The following CNTN5 variants were observed in gnomAD, a reference collection of about 807,000 sequenced individuals.
CNTN5 encodes contactin 5.
In CNTN5, 77 loss-of-function variants were observed where a neutral mutation model predicts 129.1. That is an observed-to-expected ratio of 0.60 (90% CI 0.50 to 0.72). The LOEUF is 0.72. CNTN5 is among the 30% of genes least tolerant of loss of function. CNTN5 has a pLI of 0.00. For synonymous variants in CNTN5, 509 were observed against 465.6 expected, an observed-to-expected ratio of 1.09 and a Z score of -1.20; for missense variants, 1,478 against 1,328.8, an observed-to-expected ratio of 1.11 and a Z score of -1.75.
chr11:99,173,664 GAGA>G (rs1393738968), intron 1 of CNTN5, among the ~76,000 whole-genome samples: 2 of 152,174 alleles, frequency 1.3e-5, no homozygotes, highest in Non-Finnish European at 2.9e-5. Context: ...TAGAAAAGGT[GAGA>G]AGAAGGATTG....
At chr11:99,427,460 T>C (rs1024568929) in intron 2 of CNTN5, among the ~76,000 whole-genome samples, 1 of 152,058 alleles carries the variant, frequency 6.6e-6, no homozygotes, top group South Asian at 2.1e-4. Flanking sequence ...AGTTAAGCTT[T>C]TGGATTAAAA....
At chr11:99,594,680 G>T (rs1950073326) in intron 3 of CNTN5, among the ~76,000 whole-genome samples, 1 of 152,164 alleles carries the variant, frequency 6.6e-6, no homozygotes, top group African/African-American at 2.4e-5. Context: ...CATCAGGTTT[G>T]CCCAGCACAA....
chr11:99,552,546 GA>G (rs1948527908), intron 2 of CNTN5, among the ~76,000 whole-genome samples: 1 of 152,070 alleles, frequency 6.6e-6, no homozygotes, highest in Admixed American at 6.6e-5. Flanking sequence ...GAGTAACCAA[GA>G]AAGGCTTCTA....
intron 3 of CNTN5, among the ~76,000 whole-genome samples, chr11:99,658,912 G>GA (rs1952492022): frequency 7.4e-6 from 1 of 135,598 alleles, no homozygotes; most frequent in African/African-American, 2.7e-5. Flanking sequence ...AAAAGAAAAA[G>GA]AAAAATATAA....
chr11:99,071,491 G>T (rs942394923), intron 1 of CNTN5, among the ~76,000 whole-genome samples: 1 of 152,028 alleles, frequency 6.6e-6, no homozygotes, highest in Non-Finnish European at 1.5e-5. Flanking sequence ...AATTTTGCAC[G>T]TAATATATGG....
At chr11:100,157,618 G>A (rs569132198) in intron 13 of CNTN5, among the ~76,000 whole-genome samples, 14 of 151,780 alleles carry the variant, frequency 9.2e-5, no homozygotes, top group East Asian at 3.9e-4. Flanking sequence ...ATGAAAGTGC[G>A]AAAGTTGAAA....
chr11:99,229,623 C>A (rs1860883876), intron 1 of CNTN5, among the ~76,000 whole-genome samples: 1 of 151,078 alleles, frequency 6.6e-6, no homozygotes, highest in African/African-American at 2.4e-5. Flanking sequence ...AATTGTTACT[C>A]AGAACACATA....
At chr11:99,446,125 A>G (rs1482622575) in intron 2 of CNTN5, among the ~76,000 whole-genome samples, 2 of 146,966 alleles carry the variant, frequency 1.4e-5, no homozygotes, top group Non-Finnish European at 1.5e-5. Flanking sequence ...TTGGATTTGT[A>G]GAATCCTCAT....
intron 15 of CNTN5, among the ~76,000 whole-genome samples, chr11:100,217,034 T>C (rs1949150647): frequency 6.6e-6 from 1 of 152,210 alleles, no homozygotes; most frequent in Non-Finnish European, 1.5e-5. Context: ...CTATGGGAAT[T>C]GGTTAGGCTA....
At chr11:99,332,497 A>G (rs1033251193) in intron 2 of CNTN5, among the ~76,000 whole-genome samples, 1 of 152,146 alleles carries the variant, frequency 6.6e-6, no homozygotes, top group African/African-American at 2.4e-5. Context: ...CATAAGTAAC[A>G]GTTGATATGG....
At chr11:99,848,203 CCTT>C (rs1947762353) in intron 6 of CNTN5, among the ~76,000 whole-genome samples, 1 of 152,132 alleles carries the variant, frequency 6.6e-6, no homozygotes. Context: ...AAGCGAGACT[CCTT>C]CTCAAAACAA....
intron 23 of CNTN5, among the ~76,000 whole-genome samples, chr11:100,347,623 A>G (rs970768187): frequency 5.3e-5 from 8 of 152,116 alleles, no homozygotes; most frequent in African/African-American, 1.7e-4. Context: ...AACATGCCCA[A>G]AAAGAAATCT....
chr11:99,119,246 A>G (rs1858189283), intron 1 of CNTN5, among the ~76,000 whole-genome samples: 1 of 152,276 alleles, frequency 6.6e-6, no homozygotes, highest in East Asian at 1.9e-4. Context: ...TCATCCAGGT[A>G]TTAAGCCTAA....
chr11:99,725,028 A>G (rs1360098313), intron 3 of CNTN5, among the ~76,000 whole-genome samples: 1 of 152,246 alleles, frequency 6.6e-6, no homozygotes, highest in Non-Finnish European at 1.5e-5. Context: ...TTGTTTAGAA[A>G]TAAACTGTAA....
intron 1 of CNTN5, among the ~76,000 whole-genome samples, chr11:99,180,920 C>T (rs766302097): frequency 6.6e-6 from 1 of 152,204 alleles, no homozygotes; most frequent in Non-Finnish European, 1.5e-5. Flanking sequence ...GGCTGCGGTA[C>T]GCATATCTAA....
At chr11:100,192,808 AAACATT>A (rs776807616) in intron 14 of CNTN5, among the ~76,000 whole-genome samples, 14 of 152,002 alleles carry the variant, frequency 9.2e-5, no homozygotes, top group Non-Finnish European at 1.8e-4. Context: ...AGTTAAACAT[AAACATT>A]GTTTTCTAAA....
intron 1 of CNTN5, among the ~76,000 whole-genome samples, chr11:99,087,035 T>C (rs773018637): frequency 1.2e-4 from 18 of 152,204 alleles, no homozygotes; most frequent in South Asian, 2.1e-4. Context: ...TAAAGCTTGA[T>C]TTTGAGTCCA....
chr11:99,088,317 T>C (rs1220407351), intron 1 of CNTN5, among the ~76,000 whole-genome samples: 2 of 152,122 alleles, frequency 1.3e-5, no homozygotes, highest in African/African-American at 4.8e-5. Context: ...TTACAGAGAC[T>C]GGTAAATATG....
chr11:99,294,954 A>G (rs1864320229), intron 1 of CNTN5, among the ~76,000 whole-genome samples: 1 of 152,162 alleles, frequency 6.6e-6, no homozygotes, highest in Non-Finnish European at 1.5e-5. Context: ...GGGCCTTAGC[A>G]CCACTCTCAG....
Sources: gnomAD v4.1 joint callset for allele counts (sites outside exome capture counted in the v4.1 genomes callset) on GRCh38, gnomAD v4.1.1 for gene constraint, MANE v1.5 for transcripts, NCBI Gene and HGNC (gene_info 2026-07-23, HGNC 2026-07-21) for gene names.